The following TAB1 variants were observed in gnomAD, a reference collection of about 807,000 sequenced individuals.
TAB1 encodes the protein TGF-beta-activated kinase 1 and MAP3K7-binding protein 1.
TAB1 carries 30 observed loss-of-function variants against 54.5 expected under a neutral mutation model. That is an observed-to-expected ratio of 0.55 (90% CI 0.41 to 0.75). TAB1 has a LOEUF of 0.75. TAB1 is among the 30% of genes least tolerant of loss of function. The pLI is 0.00. For synonymous variants in TAB1, 289 were observed against 286.9 expected (o/e 1.01, Z -0.07); for missense variants, 609 against 683.2 (o/e 0.89, Z 1.21).
chr22:39,403,661 C>T (rs1168166033), intron 1 of TAB1, among the ~76,000 whole-genome samples: 10 of 130,410 alleles, frequency 7.7e-5, no homozygotes, highest in South Asian at 2.4e-4. Context: ...TTTTTTGAGA[C>T]GGAGTCTCGC....
At chr22:39,420,775 C>CTG (rs71326771) in intron 7 of TAB1, among the ~76,000 whole-genome samples, 24,780 of 71,686 alleles carry the variant, frequency 0.35, 4,375 homozygotes, top group Middle Eastern at 0.49. Flanking sequence ...CACGGTGTCT[C>CTG]TGTGTGTGTG....
In TAB1 at chr22:39,430,270, A is replaced by G. The variant is rs1460440021; in HGVS notation, c.*48A>G. 3.7e-6 allele frequency: 6 copies of G among 1,600,996 alleles called. No individual in the cohort carries two copies. The highest frequency in any genetic ancestry group is 1.7e-4 in the Middle Eastern group (1 of 6,042). On this transcript the variant is annotated 3_prime_UTR_variant, in exon 11 of 11. Transcript: ENST00000216160. Reference sequence around the variant, plus strand: ...AGCAGGGCCTGGCATGGGGCAGGACAGGGTCCAGCCTTTTCCTAACATCTG... The same window carrying G: ...AGCAGGGCCTGGCATGGGGCAGGACGGGGTCCAGCCTTTTCCTAACATCTG...
At position 39,417,772 on chromosome 22, in the gene TAB1, TAGAG is replaced by T. The variant is rs1201949731; in HGVS notation, c.476_479del (p.Glu159GlyfsTer41). 1 of 1,613,460 alleles carries T rather than the reference TAGAG, an allele frequency of 6.2e-7. No individual in the cohort carries two copies. Among genetic ancestry groups the T allele is most frequent in the Middle Eastern group, 1.7e-4 (1 of 6,058 alleles). ...AAGATCCTTGAGAGACTCAAGACGT[TAGAG>T]AGGGAAATTTCGGGAGGGGCCATGG... On this transcript the variant is annotated frameshift_variant, in exon 5 of 11. Coordinates refer to ENST00000216160, the MANE Select transcript of TAB1 (RefSeq NM_006116.3). LOFTEE classifies it high-confidence loss of function.
downstream of TAB1, chr22:39,432,832 C>G: frequency 4.1e-6 from 4 of 985,374 alleles, no homozygotes; most frequent in Non-Finnish European, 4.8e-6. Flanking sequence ...GTGTTACTTA[C>G]TGCACTTGAG....
chr22:39,421,982 C>T lies in TAB1; in HGVS notation c.921+11C>T. 1 of 1,519,364 alleles carries T rather than the reference C, an allele frequency of 6.6e-7. No individual in the cohort carries two copies. Among genetic ancestry groups the T allele is most frequent in the Non-Finnish European group, 8.8e-7 (1 of 1,137,514 alleles). The allele number at this position is 1,519,364 out of a possible 1,614,324, so 94.1% of individuals were successfully genotyped here. A position where few individuals can be genotyped will look rare whatever the true frequency, so the allele number is the denominator to read the frequency against. On this transcript the variant is annotated intron_variant, in intron 8 of 10. Transcript: ENST00000216160. ...GGGCAGGCCAACCAGGTGAGTTGGG[C>T]CCAGCCACGCCCATGGCCGGAGAGC...
rs780129085 is a variant in TAB1, at chr22:39,417,692, C to T, written c.412-19C>T. The T allele has an allele frequency of 1.2e-5, 19 of 1,593,498 alleles. No individual in the cohort carries two copies. Among genetic ancestry groups the T allele is most frequent in the Middle Eastern group, 1.7e-4 (1 of 5,942 alleles). On this transcript the variant is annotated intron_variant, in intron 4 of 10. Coordinates refer to ENST00000216160, the MANE Select transcript of TAB1 (RefSeq NM_006116.3). ...GTCCAGAGTTCTGTCCTGCCCTGAC[C>T]CTCTGTTGATGGTTGTAGGGAGTCC...
chr22:39,415,521 G>T lies in TAB1; in HGVS notation c.192G>T (p.Leu64=). Residue 64 remains leucine (L), a synonymous_variant, in exon 3 of 11, where the codon CTG becomes CTT. Transcript: ENST00000216160. The surrounding 1 kb of genome is among the most constrained non-coding windows in gnomAD (Gnocchi z 4.9). ...LKFRSENNCF[L]YGVFNGYDGN... ...CCAGGAGTGAGAACAACTGCTTCCTGTATGGGGTCTTCAACGGCTATGATG... is the reference window on the plus strand; with the variant it reads ...CCAGGAGTGAGAACAACTGCTTCCTTTATGGGGTCTTCAACGGCTATGATG... 6.2e-7 allele frequency: 1 copy of T among 1,614,210 alleles called. No homozygotes were observed. The highest frequency in any genetic ancestry group is 1.1e-5 in the South Asian group (1 of 91,086).
At chr22:39,414,127 G>T (rs1226551046) in intron 1 of TAB1, among the ~76,000 whole-genome samples, 2 of 152,138 alleles carry the variant, frequency 1.3e-5, no homozygotes, top group Non-Finnish European at 2.9e-5. Flanking sequence ...TCAGGGTGCC[G>T]TTGGGGTACA....
In TAB1 at chr22:39,426,936, T is replaced by G; in HGVS notation, c.1144+11T>G. ...CGAGCCCAGCCCCAGGTACGTGTGC[T>G]GTGCAGACAGGCAGTGCCTGGGGAT... On this transcript the variant is annotated intron_variant, in intron 9 of 10. Transcript: ENST00000216160. 1 of 1,606,318 alleles carries G rather than the reference T, an allele frequency of 6.2e-7. No homozygotes were observed. Among genetic ancestry groups the G allele is most frequent in the South Asian group, 1.1e-5 (1 of 90,976 alleles).
At chr22:39,426,616 C>T (rs1927349074) in intron 8 of TAB1, 87 bp from the exon 9 acceptor site, 2 of 1,236,888 alleles carry the variant, frequency 1.6e-6, no homozygotes, top group Non-Finnish European at 2.2e-6. Flanking sequence ...ACCACTGAAT[C>T]TCCTGATTTT....
chr22:39,418,772 G>A lies in TAB1; in HGVS notation c.591G>A (p.Gly197=), dbSNP rs369800503. ...TTTTATGCAAATCGACAGTGGATGG[G>A]TTGCAGGTGACACAGCTGAACGTGG... ...RALLCKSTVD[G]LQVTQLNVDH... is the part of the protein sequence containing the mutation. Residue 197 remains glycine (G), a synonymous_variant, in exon 6 of 11, where the codon GGG becomes GGA. Transcript: ENST00000216160. 7.4e-6 allele frequency: 12 copies of A among 1,614,064 alleles called. No individual in the cohort carries two copies. In the South Asian group the frequency reaches 7.7e-5, roughly 10 times the overall value.
intron 5 of TAB1, 118 bp downstream of exon 5, chr22:39,417,967 C>A (rs976032557): frequency 4.5e-6 from 6 of 1,331,084 alleles, no homozygotes; most frequent in Non-Finnish European, 5.0e-6. Context: ...CCAGGGTCTC[C>A]TGAGACCGTT....
At chr22:39,400,547 C>T (rs1412287456) in intron 1 of TAB1, among the ~76,000 whole-genome samples, 1 of 152,222 alleles carries the variant, frequency 6.6e-6, no homozygotes, top group African/African-American at 2.4e-5. Flanking sequence ...CATCCCTACC[C>T]CCGGTCTGGA....
chr22:39,410,514 A>G (rs201662157), intron 1 of TAB1, among the ~76,000 whole-genome samples: 2 of 145,506 alleles, frequency 1.4e-5, no homozygotes, highest in African/African-American at 5.0e-5. Flanking sequence ...TTTTTTTTTA[A>G]TTTAGTTGTG....
At chr22:39,400,427 C>T (rs570095366) in intron 1 of TAB1, among the ~76,000 whole-genome samples, 72 of 152,236 alleles carry the variant, frequency 4.7e-4, no homozygotes, top group Non-Finnish European at 9.1e-4. Context: ...AAAGGAATGA[C>T]CAGTGGTAGC....
At position 39,431,000 on chromosome 22, in the gene TAB1, G is replaced by C. The variant is rs1382620578; in HGVS notation, c.*778G>C. 1 of 986,152 alleles carries C rather than the reference G, an allele frequency of 1.0e-6. No individual in the cohort carries two copies. Among genetic ancestry groups the C allele is most frequent in the Non-Finnish European group, 1.2e-6 (1 of 830,582 alleles). 61.1% of individuals were successfully genotyped at this position (986,152 alleles called of 1,614,324 possible). On this transcript the variant is annotated 3_prime_UTR_variant, in exon 11 of 11. Transcript: ENST00000216160. ...GTCAGGCCTGAGCCAGGGTGAGCTG[G>C]TGCCTGCCTTGCATTTTCCTTCTGG...
At chr22:39,435,129 C>T (rs1038881817), downstream of TAB1, among the ~76,000 whole-genome samples, 1 of 152,190 alleles carries the variant, frequency 6.6e-6, no homozygotes, top group Admixed American at 6.5e-5. Flanking sequence ...TACCCCCACC[C>T]TAGGACCCCC....
rs1926815375 is a variant in TAB1, at chr22:39,415,941, G to C, written c.324+288G>C. On this transcript the variant is annotated intron_variant, in intron 3 of 10. Transcript: ENST00000216160. This position sits in a 1 kb window ranked among gnomAD's most constrained non-coding sequence, Gnocchi z 4.9. ...GTGAGGTGGGAGCAGGGCAAGGCCT[G>C]GTAGAAATGGGGTCATTTAGAGCTA... is the stretch of plus-strand genomic sequence containing the variant. Among the ~76,000 whole-genome samples, 1 of 152,170 alleles carries C rather than the reference G, an allele frequency of 6.6e-6. No individual in the cohort carries two copies. Among genetic ancestry groups the C allele is most frequent in the Non-Finnish European group, 1.5e-5 (1 of 68,038 alleles).
rs150261152 is a variant in TAB1, at chr22:39,422,722, G to A, written c.921+751G>A. Reference sequence around the variant, plus strand: ...GTTCACTTCTCATTTCTACAGTGAGGATGGTAACATCTGCCTTTGTGAGAT... The same window carrying A: ...GTTCACTTCTCATTTCTACAGTGAGAATGGTAACATCTGCCTTTGTGAGAT... On this transcript the variant is annotated intron_variant, in intron 8 of 10. Coordinates refer to ENST00000216160, the MANE Select transcript of TAB1 (RefSeq NM_006116.3). 1.6e-3 allele frequency among the ~76,000 whole-genome samples: 245 copies of A among 152,224 alleles called. 5 individuals are homozygous for A. The East Asian group carries it at 0.043, about 27-fold the overall frequency.
Sources: gnomAD v4.1 joint callset for allele counts (sites outside exome capture counted in the v4.1 genomes callset) on GRCh38, gnomAD v4.1.1 for gene constraint, Gnocchi (gnomAD v3.1) non-coding constraint, MANE v1.5 for transcripts, NCBI Gene and HGNC (gene_info 2026-07-23, HGNC 2026-07-21) for gene names.